Variants in ERCC2 observed in about 807,000 individuals in gnomAD.
ERCC2 encodes the protein general transcription and DNA repair factor IIH helicase subunit XPD.
Under a neutral mutation model 99.4 loss-of-function variants are expected in ERCC2, and 90 were observed. The ratio of observed to expected loss-of-function variants is 0.91; its 90% CI spans 0.76 to 1.08. The LOEUF (loss-of-function observed/expected upper bound fraction) is 1.08, where lower values mean the gene tolerates loss of function less well. ERCC2 is among the 50% of genes least tolerant of loss of function. ERCC2 has a pLI of 0.00. For synonymous variants in ERCC2, 497 were observed against 432.4 expected, an observed-to-expected ratio of 1.15 and a Z score of -1.85; for missense variants, 993 against 1,038.1, an observed-to-expected ratio of 0.96 and a Z score of 0.60.
chr19:45,351,354 C>T lies in ERCC2; in HGVS notation c.*275G>A. The T allele has an allele frequency of 1.9e-6, 3 of 1,610,968 alleles. No individual in the cohort carries two copies. Among genetic ancestry groups the T allele is most frequent in the South Asian group, 1.1e-5 (1 of 91,072 alleles). ...CCAGCACCCAGGACCTGAGCCCCCA[C>T]TAACGTCCAGTGAACTGCGCTGGCC... On this transcript the variant is annotated 3_prime_UTR_variant, in exon 23 of 23. Transcript: ENST00000391945.
Position 45,351,111 on chromosome 19 carries a change from A to C in ERCC2, c.*518T>G. 6.2e-7 allele frequency: 1 copy of C among 1,608,044 alleles called. No individual in the cohort carries two copies. Among genetic ancestry groups the C allele is most frequent in the Non-Finnish European group, 8.5e-7 (1 of 1,176,822 alleles). On this transcript the variant is annotated 3_prime_UTR_variant, in exon 23 of 23. Transcript: ENST00000391945. ...GGGCGGTCGGGCCAGTGGTGGAGTC[A>C]GCAGGTGGTGGGTTGGTGTCAGAAG...
rs1054768577 is a variant in ERCC2, at chr19:45,364,085, C to T, written c.850G>A (p.Glu284Lys). Residue 284 changes from glutamate (E) to lysine (K), a missense_variant, in exon 10 of 23, where the codon GAG becomes AAG. Around this residue, in one of 3 missense-constraint regions of ERCC2, gnomAD observed 909 missense variants for 930.8 expected, o/e 0.98. Transcript: ENST00000391945. ...AGCCCCTCCACCAGACGCCGGTACTCGTCCCGCAGGCGCTGCTCGTCTGTC... is the reference window on the plus strand; with the variant it reads ...AGCCCCTCCACCAGACGCCGGTACTTGTCCCGCAGGCGCTGCTCGTCTGTC... Reference protein sequence around the residue: ...KETDEQRLRDEYRRLVEGLRE... With the variant: ...KETDEQRLRDKYRRLVEGLRE... The T allele has an allele frequency of 2.5e-6, 4 of 1,600,640 alleles. No homozygotes were observed. The highest frequency in any genetic ancestry group is 1.3e-5 in the African/African-American group (1 of 74,682).
At chr19:45,358,038 A>G (rs1972075107) in intron 12 of ERCC2, 1 of 439,348 alleles carries the variant, frequency 2.3e-6, no homozygotes, top group African/African-American at 2.0e-5. Context: ...GCTTTCTCCC[A>G]TGACCTTTTC....
At chr19:45,363,958 T>TGGGGGGGAGGCGGGAAAGGGACTG in intron 10 of ERCC2, 28 bp downstream of exon 10, 2 of 1,531,908 alleles carry the variant, frequency 1.3e-6, no homozygotes, top group African/African-American at 1.4e-5. Flanking sequence ...GGAAAGGGAC[T>TGGGGGGGAGGCGGGAAAGGGACTG]GGGGGGCAGC....
At chr19:45,363,479 C>T (rs1452534075) in intron 11 of ERCC2, among the ~76,000 whole-genome samples, 1 of 152,194 alleles carries the variant, frequency 6.6e-6, no homozygotes, top group Admixed American at 6.5e-5. Context: ...GTAAATGGTG[C>T]TCCCACTCTC....
At chr19:45,361,007 T>C (rs1972200867) in intron 12 of ERCC2, among the ~76,000 whole-genome samples, 1 of 151,932 alleles carries the variant, frequency 6.6e-6, no homozygotes, top group Non-Finnish European at 1.5e-5. Flanking sequence ...GGCATGCGCC[T>C]GTAGTCCCAG....
chr19:45,364,644 A>G, intron 7 of ERCC2, 97 bp from the exon 8 acceptor site: 5 of 1,532,196 alleles, frequency 3.3e-6, no homozygotes, highest in Non-Finnish European at 4.5e-6. Context: ...ACAGGCCTGC[A>G]CAGGCAGACA....
Position 45,351,512 on chromosome 19 carries a change from G to C in ERCC2, c.*117C>G. Reference sequence around the variant, plus strand: ...TCCTGCGATTAAAGGCTGTGGACGTGACAGTGAGAAATGTCACCTGACTTC... The same window carrying C: ...TCCTGCGATTAAAGGCTGTGGACGTCACAGTGAGAAATGTCACCTGACTTC... On this transcript the variant is annotated 3_prime_UTR_variant, in exon 23 of 23. Transcript: ENST00000391945. 1 of 1,599,508 alleles carries C rather than the reference G, an allele frequency of 6.3e-7. No individual in the cohort carries two copies. Among genetic ancestry groups the C allele is most frequent in the South Asian group, 1.1e-5 (1 of 90,768 alleles).
At chr19:45,367,364 TATATAC>T (rs72025908) in intron 5 of ERCC2, among the ~76,000 whole-genome samples, 36,545 of 101,762 alleles carry the variant, frequency 0.36, 5,843 homozygotes, top group African/African-American at 0.49. Flanking sequence ...AATATATATA[TATATAC>T]ACACACACAC....
chr19:45,350,333 C>T lies in ERCC2; in HGVS notation c.*1296G>A. On this transcript the variant is annotated 3_prime_UTR_variant, in exon 23 of 23. Coordinates refer to ENST00000391945, the MANE Select transcript of ERCC2 (RefSeq NM_000400.4). ...CCGAAAAGTTCCCAGACACTCCCTT[C>T]TCCGCAGGCCTCAGCCTACCTGAAA... is the stretch of plus-strand genomic sequence containing the variant. 1 of 1,612,196 alleles carries T rather than the reference C, an allele frequency of 6.2e-7. No homozygotes were observed. The highest frequency in any genetic ancestry group is 8.5e-7 in the Non-Finnish European group (1 of 1,179,314).
chr19:45,359,915 T>C (rs3916832), intron 12 of ERCC2, among the ~76,000 whole-genome samples: 2,956 of 151,522 alleles, frequency 0.02, 98 homozygotes, highest in African/African-American at 0.066. Flanking sequence ...GTTGGAACTA[T>C]AGGTGCGTGC....
intron 12 of ERCC2, among the ~76,000 whole-genome samples, chr19:45,360,379 G>A (rs1476245454): frequency 4.0e-5 from 4 of 99,722 alleles, no homozygotes; most frequent in African/African-American, 2.3e-4. Context: ...ACCACGCCCG[G>A]CCTTTTTTTT....
rs1972362226 is a variant in ERCC2, at chr19:45,364,694, C to T, written c.594+144G>A. 8 of 1,338,968 alleles carry T rather than the reference C, an allele frequency of 6.0e-6. No individual in the cohort carries two copies. In the Admixed American group the frequency reaches 1.3e-4, roughly 22 times the overall value. The allele number at this position is 1,338,968 out of a possible 1,614,324, so 82.9% of individuals were successfully genotyped here. The stretch of plus-strand genomic sequence containing the variant: ...GTATGAGCAGATGGATAGAGACAGA[C>T]CAACAGATACGGGCACCCACCAACA... On this transcript the variant is annotated intron_variant, in intron 7 of 22. Transcript: ENST00000391945.
intron 17 of ERCC2, 38 bp from the exon 18 acceptor site, chr19:45,353,372 G>T: frequency 6.9e-7 from 1 of 1,440,548 alleles, no homozygotes; most frequent in Non-Finnish European, 9.7e-7. Context: ...TGGGTTCAGG[G>T]CACAGCCATC....
At chr19:45,362,497 G>A (rs1259950710) in intron 11 of ERCC2, among the ~76,000 whole-genome samples, 1 of 152,202 alleles carries the variant, frequency 6.6e-6, no homozygotes, top group Non-Finnish European at 1.5e-5. Flanking sequence ...CACAGGCAGG[G>A]CCGAGGCAGG....
At chr19:45,361,489 G>A (rs747884628) in intron 12 of ERCC2, 35 bp downstream of exon 12, 29 of 1,455,678 alleles carry the variant, frequency 2.0e-5, no homozygotes, top group African/African-American at 2.8e-5. Context: ...CCAGCTGCTA[G>A]GAGGCCCAGC....
chr19:45,360,889 T>C (rs1371493005), intron 12 of ERCC2, among the ~76,000 whole-genome samples: 1 of 151,646 alleles, frequency 6.6e-6, no homozygotes, highest in Admixed American at 6.6e-5. Flanking sequence ...TCCCAGCACT[T>C]TGGGAGGCCG....
In ERCC2 at chr19:45,358,920, T is replaced by C. The variant is rs377139816; in HGVS notation, c.1238-1221A>G. ...CACAGTGCTGAGCCTGGCCTGTTTG[T>C]TGAAGAAATAAATGAATGAATGAAT... On this transcript the variant is annotated intron_variant, in intron 12 of 22. Coordinates refer to ENST00000391945, the MANE Select transcript of ERCC2 (RefSeq NM_000400.4). 30 of 770,972 alleles carry C rather than the reference T, an allele frequency of 3.9e-5. No individual in the cohort carries two copies. The highest frequency in any genetic ancestry group is 6.5e-5 in the Non-Finnish European group (27 of 414,838). The allele number at this position is 770,972 out of a possible 1,614,324, so 47.8% of individuals were successfully genotyped here. A position where few individuals can be genotyped will look rare whatever the true frequency, so the allele number is the denominator to read the frequency against.
chr19:45,367,869 A>G lies in ERCC2; in HGVS notation c.360+761T>C, dbSNP rs532357380. Reference sequence around the variant, plus strand: ...ATAACTAATATTGTATTTGTCATATATCATTATGCATATAAATATCATGAC... The same window carrying G: ...ATAACTAATATTGTATTTGTCATATGTCATTATGCATATAAATATCATGAC... On this transcript the variant is annotated intron_variant, in intron 5 of 22. Coordinates refer to ENST00000391945, the MANE Select transcript of ERCC2 (RefSeq NM_000400.4). Among the ~76,000 whole-genome samples, 17 of 151,058 alleles carry G rather than the reference A, an allele frequency of 1.1e-4. No homozygotes were observed. The South Asian group carries it at 2.5e-3, about 22-fold the overall frequency.
Sources: gnomAD v4.1 joint callset for allele counts (sites outside exome capture counted in the v4.1 genomes callset) on GRCh38, gnomAD v4.1.1 for gene constraint, gnomAD v4.1.1 regional missense constraint, MANE v1.5 for transcripts, NCBI Gene and HGNC (gene_info 2026-07-23, HGNC 2026-07-21) for gene names.